Variants in GABRR2 observed in about 807,000 individuals in gnomAD.
GABRR2 encodes gamma-aminobutyric acid receptor subunit rho-2.
In GABRR2, 36 loss-of-function variants were observed where a neutral mutation model predicts 47.0. That is an observed-to-expected ratio of 0.77 (90% CI 0.59 to 1.01). The LOEUF (loss-of-function observed/expected upper bound fraction) is 1.01. Ranked by LOEUF, GABRR2 falls within the 50% of genes least tolerant of loss-of-function variation. The probability of loss-of-function intolerance (pLI) is 0.00; values close to 1 mark genes in which losing one functional copy is unlikely to be tolerated. For missense variants in GABRR2, 587 were observed against 594.6 expected (o/e 0.99, Z 0.13); for synonymous variants, 204 against 227.5 (o/e 0.90, Z 0.93).
At chr6:89,284,306 T>C (rs907922422) in intron 2 of GABRR2, among the ~76,000 whole-genome samples, 38 of 152,170 alleles carry the variant, frequency 2.5e-4, no homozygotes, top group African/African-American at 8.7e-4. Flanking sequence ...CTTGTGCACC[T>C]TACATATATA....
intron 7 of GABRR2, among the ~76,000 whole-genome samples, chr6:89,265,086 CT>C (rs1240093868): frequency 3.9e-5 from 6 of 152,134 alleles, no homozygotes; most frequent in South Asian, 2.1e-4. Context: ...AAACCCTCAC[CT>C]TTCTCAAAGC....
intron 6 of GABRR2, among the ~76,000 whole-genome samples, chr6:89,266,144 C>A (rs1268310113): frequency 6.6e-6 from 1 of 152,174 alleles, no homozygotes; most frequent in Non-Finnish European, 1.5e-5. Flanking sequence ...CTCACTGCAG[C>A]CTCAGCCTCC....
At chr6:89,277,865 G>GTGT (rs1774191398) in intron 2 of GABRR2, among the ~76,000 whole-genome samples, 1 of 120,210 alleles carries the variant, frequency 8.3e-6, no homozygotes, top group Non-Finnish European at 1.8e-5. Flanking sequence ...TGGTGGGCGG[G>GTGT]GGTGGGGGGG....
intron 1 of GABRR2, 43 bp from the exon 2 acceptor site, chr6:89,299,908 T>C: frequency 1.6e-6 from 2 of 1,251,504 alleles, no homozygotes; most frequent in Non-Finnish European, 2.4e-6. Context: ...GGCTCTTCAA[T>C]GCATTGAGTG....
Position 89,271,719 on chromosome 6 carries a change from G to GAA in GABRR2, c.223_224insTT (p.Pro75LeufsTer27). 1.2e-6 allele frequency: 2 copies of GAA among 1,611,830 alleles called. No individual in the cohort carries two copies. The highest frequency in any genetic ancestry group is 2.7e-5 in the African/African-American group (2 of 75,002). ...TACGTCCACGCCCACCGGGATGGCAGGGCCTGCAGAAGAGCAGAGACAGCT... is the reference window on the plus strand; with the variant it reads ...TACGTCCACGCCCACCGGGATGGCAGAAGGCCTGCAGAAGAGCAGAGACAGCT... On this transcript the variant is annotated frameshift_variant, in exon 3 of 9. Coordinates refer to ENST00000402938, the MANE Select transcript of GABRR2 (RefSeq NM_002043.5). LOFTEE classifies it high-confidence loss of function.
At chr6:89,271,528 G>T in intron 3 of GABRR2, 127 bp downstream of exon 3, 1 of 737,618 alleles carries the variant, frequency 1.4e-6, no homozygotes, top group Non-Finnish European at 2.3e-6. Context: ...TACTGCTCCA[G>T]GGCCGACTTC....
At chr6:89,274,208 G>A (rs1428174538) in intron 2 of GABRR2, among the ~76,000 whole-genome samples, 2 of 152,192 alleles carry the variant, frequency 1.3e-5, no homozygotes, top group Non-Finnish European at 1.5e-5. Context: ...CGGAGTGCAG[G>A]TCAAGGCCTC....
chr6:89,269,678 A>G (rs1198771954), intron 3 of GABRR2, among the ~76,000 whole-genome samples: 2 of 152,238 alleles, frequency 1.3e-5, no homozygotes, highest in African/African-American at 2.4e-5. Flanking sequence ...TTAGGCTTAT[A>G]AGATCCTTGA....
chr6:89,286,874 C>T (rs2127842305), intron 2 of GABRR2, among the ~76,000 whole-genome samples: 1 of 152,280 alleles, frequency 6.6e-6, no homozygotes, highest in Non-Finnish European at 1.5e-5. Context: ...GAGGTGTCCC[C>T]TCCTTCAAGG....
At chr6:89,271,806 G>A (rs1280551557) in intron 2 of GABRR2, 84 bp from the exon 3 acceptor site, 12 of 1,134,726 alleles carry the variant, frequency 1.1e-5, no homozygotes, top group Middle Eastern at 1.9e-4. Flanking sequence ...TTCCCCCGGG[G>A]AGCCAGGACT....
At chr6:89,258,002 G>T in intron 8 of GABRR2, 21 bp from the exon 9 acceptor site, 1 of 1,605,828 alleles carries the variant, frequency 6.2e-7, no homozygotes, top group Non-Finnish European at 8.5e-7. Context: ...CAAGCACAAA[G>T]AACATCATTA....
chr6:89,309,517 T>A (rs188949201), intron 1 of GABRR2, among the ~76,000 whole-genome samples: 2 of 152,328 alleles, frequency 1.3e-5, no homozygotes, highest in Admixed American at 6.5e-5. Flanking sequence ...CAAAATGCAT[T>A]GAAAGTGATG....
At position 89,314,036 on chromosome 6, in the gene GABRR2, T is replaced by TC. The variant is rs71024366; in HGVS notation, c.113+1016dup. 4.7e-3 allele frequency among the ~76,000 whole-genome samples: 702 copies of TC among 150,598 alleles called. 7 individuals are homozygous for TC. Among genetic ancestry groups the TC allele is most frequent in the African/African-American group, 0.016 (644 of 40,664 alleles). Reference sequence around the variant, plus strand: ...ATATTCAGGGTTTTTTTTTTTTTTTTCTAAAAATAAGAAATCAATTAAACT... The same window carrying TC: ...ATATTCAGGGTTTTTTTTTTTTTTTTCCTAAAAATAAGAAATCAATTAAACT... On this transcript the variant is annotated intron_variant, in intron 1 of 8. Coordinates refer to ENST00000402938, the MANE Select transcript of GABRR2 (RefSeq NM_002043.5).
At position 89,254,886 on chromosome 6, in the gene GABRR2, C is replaced by G. The variant is rs1773570732; in HGVS notation, c.*2784G>C. 6.6e-6 allele frequency among the ~76,000 whole-genome samples: 1 copy of G among 151,922 alleles called. No homozygotes were observed. Among genetic ancestry groups the G allele is most frequent in the African/African-American group, 2.4e-5 (1 of 41,384 alleles). The stretch of plus-strand genomic sequence containing the variant: ...TGTATCATGGCCCTGCATGATAAAA[C>G]ACTGTTTATGATTCTAAATATGTCT... On this transcript the variant is annotated 3_prime_UTR_variant, in exon 9 of 9. Coordinates refer to ENST00000402938, the MANE Select transcript of GABRR2 (RefSeq NM_002043.5).
intron 1 of GABRR2, among the ~76,000 whole-genome samples, chr6:89,311,649 G>A (rs866863504): frequency 6.6e-6 from 1 of 152,194 alleles, no homozygotes; most frequent in South Asian, 2.1e-4. Context: ...CAGGGCTGAT[G>A]TCACCGTGTT....
At chr6:89,302,553 T>C in intron 1 of GABRR2, 2 of 944,848 alleles carry the variant, frequency 2.1e-6, no homozygotes, top group Non-Finnish European at 3.2e-6. Context: ...TGGGTGCCCT[T>C]CCCCTGCCTG....
intron 2 of GABRR2, among the ~76,000 whole-genome samples, chr6:89,289,054 G>A (rs1025922375): frequency 1.3e-5 from 2 of 152,224 alleles, no homozygotes; most frequent in Non-Finnish European, 2.9e-5. Flanking sequence ...CAAAACAGCC[G>A]AGAGATGCTT....
Position 89,311,990 on chromosome 6 carries a change from G to A in GABRR2, c.113+3063C>T, listed in dbSNP as rs916781211. Among the ~76,000 whole-genome samples the A allele has an allele frequency of 4.6e-4, 70 of 152,318 alleles. 1 individual carries two copies. The highest frequency in any genetic ancestry group is 9.1e-4 in the Admixed American group (14 of 15,302). On this transcript the variant is annotated intron_variant, in intron 1 of 8. Coordinates refer to ENST00000402938, the MANE Select transcript of GABRR2 (RefSeq NM_002043.5). ...AAGCAAAGCTGCTCCTGCCTCCAGCGGAACAGAACCACAGTGCAGACCCAG... is the reference window on the plus strand; with the variant it reads ...AAGCAAAGCTGCTCCTGCCTCCAGCAGAACAGAACCACAGTGCAGACCCAG...
intron 2 of GABRR2, among the ~76,000 whole-genome samples, chr6:89,282,920 G>A (rs569529038): frequency 3.3e-5 from 5 of 152,344 alleles, no homozygotes; most frequent in Non-Finnish European, 7.3e-5. Context: ...GGGCAGACAC[G>A]TGGAACTGGT....
Sources: gnomAD v4.1 joint callset for allele counts (sites outside exome capture counted in the v4.1 genomes callset) on GRCh38, gnomAD v4.1.1 for gene constraint, MANE v1.5 for transcripts, NCBI Gene and HGNC (gene_info 2026-07-23, HGNC 2026-07-21) for gene names.